The following DNAJB6 variants were observed in gnomAD, a reference collection of about 807,000 sequenced individuals.
DNAJB6 encodes the protein dnaJ homolog subfamily B member 6.
Under a neutral mutation model 42.7 loss-of-function variants are expected in DNAJB6, and 16 were observed. The ratio of observed to expected loss-of-function variants is 0.37; its 90% CI spans 0.25 to 0.57. DNAJB6 has a LOEUF of 0.57. Ranked by LOEUF, DNAJB6 falls within the 20% of genes least tolerant of loss-of-function variation. The pLI is 0.74. For missense variants in DNAJB6, 347 were observed against 416.8 expected (o/e 0.83, Z 1.46); for synonymous variants, 170 against 163.5 (o/e 1.04, Z -0.30).
At chr7:157,410,215 CG>C in intron 9 of DNAJB6, 1 of 1,203,254 alleles carries the variant, frequency 8.3e-7, no homozygotes, top group Non-Finnish European at 1.1e-6. Context: ...ACCGTTAAAA[CG>C]GGGTCCGCGT....
At chr7:157,370,154 G>GGGCCCCTTCTTAACATTATTATTAAACA (rs747592795) in intron 5 of DNAJB6, among the ~76,000 whole-genome samples, 15,851 of 122,294 alleles carry the variant, frequency 0.13, 1,719 homozygotes, top group Middle Eastern at 0.18. Context: ...ATTATTAAAC[G>GGGCCCCTTCTTAACATTATTATTAAACA]GGCCCCTTCT....
chr7:157,354,147 G>T (rs1799153178), intron 1 of DNAJB6, among the ~76,000 whole-genome samples: 1 of 151,990 alleles, frequency 6.6e-6, no homozygotes, highest in South Asian at 2.1e-4. Context: ...ATTTTTGTTT[G>T]TTTTTTTCGA....
At chr7:157,402,853 G>C (rs1025119657) in intron 8 of DNAJB6, among the ~76,000 whole-genome samples, 1 of 152,234 alleles carries the variant, frequency 6.6e-6, no homozygotes, top group African/African-American at 2.4e-5. Context: ...GGGCCACGGA[G>C]AAAGTCCACG....
intron 8 of DNAJB6, among the ~76,000 whole-genome samples, chr7:157,388,761 T>G (rs571442939): frequency 2.0e-5 from 3 of 152,176 alleles, no homozygotes; most frequent in African/African-American, 7.2e-5. Flanking sequence ...AATCCCTGTT[T>G]GGCATCCTTT....
chr7:157,408,252 T>A (rs191734488), intron 8 of DNAJB6, among the ~76,000 whole-genome samples: 22 of 152,312 alleles, frequency 1.4e-4, no homozygotes, highest in Non-Finnish European at 7.4e-5. Context: ...AGGTCAAGCC[T>A]CACAGCCTGC....
At chr7:157,370,293 TGGGCCCCTTCTTAACATTATTATTAAAC>T (rs1312745641) in intron 5 of DNAJB6, among the ~76,000 whole-genome samples, 43 of 142,216 alleles carry the variant, frequency 3.0e-4, no homozygotes, top group African/African-American at 7.9e-4. Context: ...TATTATTAAA[TGGGCCCCTTCTTAACATTATTATTAAAC>T]GGGCCCCTTC....
chr7:157,362,065 C>CT (rs202239058), intron 2 of DNAJB6, among the ~76,000 whole-genome samples: 14 of 151,306 alleles, frequency 9.3e-5, no homozygotes, highest in Admixed American at 3.3e-4. Flanking sequence ...TGCACCCGGC[C>CT]TTTTTTTTTG....
chr7:157,411,151 C>T (rs1024876231), intron 9 of DNAJB6: 1 of 152,048 alleles, frequency 6.6e-6, no homozygotes, highest in Admixed American at 6.6e-5. Context: ...ACTCCCCCTG[C>T]ACTAAGCGGG....
rs547339026 is a variant in DNAJB6 at position 157,338,001 on chromosome 7, G to A, written c.-27+857G>A. Among the ~76,000 whole-genome samples, 4 of 152,332 alleles carry A rather than the reference G, an allele frequency of 2.6e-5. No individual in the cohort carries two copies. In the South Asian group the frequency reaches 8.3e-4, roughly 32 times the overall value. ...ACCACCGAAGGGGTGCCGCCTGCGA[G>A]CTCGGAGGCTTCAGCCTGTTTGGGA... is the stretch of plus-strand genomic sequence containing the variant. On this transcript the variant is annotated intron_variant, in intron 1 of 9. Transcript: ENST00000262177.
intron 1 of DNAJB6, among the ~76,000 whole-genome samples, chr7:157,340,990 G>C (rs529437821): frequency 8.2e-6 from 1 of 121,342 alleles, no homozygotes; most frequent in Non-Finnish European, 1.7e-5. Context: ...GTGTGTGTGT[G>C]TGTGTGTGCG....
chr7:157,407,275 C>T (rs1022496361), intron 8 of DNAJB6, among the ~76,000 whole-genome samples: 9 of 152,288 alleles, frequency 5.9e-5, no homozygotes, highest in African/African-American at 1.7e-4. Flanking sequence ...TCCCTGGGCA[C>T]GGGGGGCTGT....
chr7:157,346,526 A>G (rs956260569), intron 1 of DNAJB6, among the ~76,000 whole-genome samples: 5 of 152,130 alleles, frequency 3.3e-5, no homozygotes, highest in Admixed American at 6.6e-5. Context: ...TATTTAATAT[A>G]TAGTTTTATC....
At chr7:157,382,140 G>T in intron 5 of DNAJB6, 106 bp from the exon 6 acceptor site, 11 of 1,283,320 alleles carry the variant, frequency 8.6e-6, no homozygotes, top group Middle Eastern at 2.2e-4. Flanking sequence ...TAAGTTTTTT[G>T]TTCCTGAATA....
intron 1 of DNAJB6, among the ~76,000 whole-genome samples, chr7:157,341,459 C>A (rs754251850): frequency 2.6e-5 from 4 of 152,162 alleles, no homozygotes; most frequent in Non-Finnish European, 5.9e-5. Flanking sequence ...TGCAAAATTA[C>A]GTGTCTTTGG....
chr7:157,410,347 CT>C, intron 9 of DNAJB6: 1 of 448,436 alleles, frequency 2.2e-6, no homozygotes, highest in Non-Finnish European at 3.8e-6. Context: ...AGGCCTGTGG[CT>C]TAGGCCGGGT....
intron 5 of DNAJB6, among the ~76,000 whole-genome samples, chr7:157,371,230 G>T (rs544270848): frequency 6.6e-6 from 1 of 152,332 alleles, no homozygotes; most frequent in African/African-American, 2.4e-5. Flanking sequence ...CAAAAAGGTT[G>T]GGGACCGCTG....
Position 157,416,401 on chromosome 7 carries a change from C to T in DNAJB6, c.*303C>T. ...TTCATTCTTTTCGGCTACTCAACCA[C>T]TCCGCATGCTGCTGGAATATTTCTG... On this transcript the variant is annotated 3_prime_UTR_variant, in exon 10 of 10. Coordinates refer to ENST00000262177, the MANE Select transcript of DNAJB6 (RefSeq NM_058246.4). 2.8e-6 allele frequency: 1 copy of T among 360,156 alleles called. No homozygotes were observed. Among genetic ancestry groups the T allele is most frequent in the South Asian group, 3.9e-5 (1 of 25,590 alleles). 22.3% of individuals were successfully genotyped at this position (360,156 alleles called of 1,614,324 possible).
At chr7:157,415,529 G>T (rs1373053720) in intron 9 of DNAJB6, 1 of 164,098 alleles carries the variant, frequency 6.1e-6, no homozygotes, top group African/African-American at 2.4e-5. Context: ...CCTCCCCACA[G>T]GTGGGCACAC....
At chr7:157,360,142 GA>G (rs1279131538) in intron 2 of DNAJB6, among the ~76,000 whole-genome samples, 1 of 152,232 alleles carries the variant, frequency 6.6e-6, no homozygotes, top group Non-Finnish European at 1.5e-5. Context: ...AGACTGGGAA[GA>G]AAAGGAGGTT....
Sources: gnomAD v4.1 joint callset for allele counts (sites outside exome capture counted in the v4.1 genomes callset) on GRCh38, gnomAD v4.1.1 for gene constraint, MANE v1.5 for transcripts, NCBI Gene and HGNC (gene_info 2026-07-23, HGNC 2026-07-21) for gene names.